FYTTD1: variants seen among roughly 807,000 people sequenced by gnomAD.
FYTTD1 encodes the protein forty-two-three domain containing 1.
In FYTTD1, 22 loss-of-function variants were observed where a neutral mutation model predicts 40.9. That is an observed-to-expected ratio of 0.54 (90% CI 0.38 to 0.77). FYTTD1 has a LOEUF of 0.77. Ranked by LOEUF, FYTTD1 falls within the 30% of genes least tolerant of loss-of-function variation. The pLI is 0.00. For synonymous variants in FYTTD1, 140 were observed against 137.9 expected, an observed-to-expected ratio of 1.01 and a Z score of -0.10; for missense variants, 351 against 392.2, an observed-to-expected ratio of 0.90 and a Z score of 0.89.
chr3:197,759,957 T>G (rs1298264416), intron 2 of FYTTD1, among the ~76,000 whole-genome samples: 1 of 151,692 alleles, frequency 6.6e-6, no homozygotes, highest in East Asian at 1.9e-4. Context: ...ATAGAGTTGT[T>G]CCTCAGTGGT....
chr3:197,757,856 A>G (rs1458006116), intron 2 of FYTTD1, among the ~76,000 whole-genome samples: 3 of 152,366 alleles, frequency 2.0e-5, no homozygotes, highest in East Asian at 1.9e-4. Flanking sequence ...AGTAAATTTC[A>G]TGACAGGTAT....
chr3:197,770,932 T>C (rs1729698252), intron 4 of FYTTD1, among the ~76,000 whole-genome samples: 1 of 152,240 alleles, frequency 6.6e-6, no homozygotes, highest in Non-Finnish European at 1.5e-5. Flanking sequence ...TCTGGATGGC[T>C]CTTACTAGAA....
At chr3:197,751,083 C>A (rs956622726) in intron 1 of FYTTD1, among the ~76,000 whole-genome samples, 3 of 152,156 alleles carry the variant, frequency 2.0e-5, no homozygotes, top group African/African-American at 7.2e-5. Context: ...TAGTGGATTC[C>A]GAGGCGTACC....
intron 2 of FYTTD1, among the ~76,000 whole-genome samples, 181 bp downstream of exon 2, chr3:197,756,738 C>G (rs1045035593): frequency 1.3e-5 from 2 of 152,172 alleles, no homozygotes; most frequent in East Asian, 3.8e-4. Flanking sequence ...CTTCAATAGA[C>G]GTAACACTGT....
chr3:197,774,770 G>A lies in FYTTD1; in HGVS notation c.656+560G>A, dbSNP rs899415328. Among the ~76,000 whole-genome samples the A allele has an allele frequency of 4.0e-5, 6 of 150,520 alleles. No homozygotes were observed. The East Asian group carries it at 5.9e-4, about 15-fold the overall frequency. On this transcript the variant is annotated intron_variant, in intron 6 of 8. Coordinates refer to ENST00000241502, the MANE Select transcript of FYTTD1 (RefSeq NM_032288.7). Reference sequence around the variant, plus strand: ...CACACCAGCCTGAGCAGCATAGCTCGATGGCCAGTGCACACCATCCTGAGC... The same window carrying A: ...CACACCAGCCTGAGCAGCATAGCTCAATGGCCAGTGCACACCATCCTGAGC...
chr3:197,749,926 G>A lies in FYTTD1; in HGVS notation c.-46G>A, dbSNP rs368846031. 4.0e-5 allele frequency: 53 copies of A among 1,328,548 alleles called. No individual in the cohort carries two copies. In the African/African-American group the frequency reaches 6.5e-4, roughly 16 times the overall value. 82.3% of individuals were successfully genotyped at this position (1,328,548 alleles called of 1,614,324 possible). ...CGCGAGTGGGAGGTGGCAGGCCTGC[G>A]ACTCCGGCCTTGTCCGCGCCCGCTC... On this transcript the variant is annotated 5_prime_UTR_variant, in exon 1 of 9. Transcript: ENST00000241502.
intron 2 of FYTTD1, among the ~76,000 whole-genome samples, chr3:197,759,168 G>C (rs370636047): frequency 8.0e-4 from 122 of 152,146 alleles, no homozygotes; most frequent in Middle Eastern, 6.8e-3. Flanking sequence ...CTCAGTGGTA[G>C]AATGTATAGA....
intron 7 of FYTTD1, among the ~76,000 whole-genome samples, chr3:197,777,646 C>T (rs1323895511): frequency 6.6e-6 from 1 of 152,162 alleles, no homozygotes; most frequent in Non-Finnish European, 1.5e-5. Context: ...ACCATACAGA[C>T]CTACGTTCTC....
chr3:197,764,737 A>T (rs998512886), intron 2 of FYTTD1, among the ~76,000 whole-genome samples: 2 of 150,542 alleles, frequency 1.3e-5, no homozygotes, highest in African/African-American at 4.9e-5. Context: ...AGAGGAGGCA[A>T]CACCTTGGAT....
In FYTTD1 at chr3:197,783,142, T is replaced by C. The variant is rs997049666; in HGVS notation, c.*1233T>C. 4 of 152,602 alleles carry C rather than the reference T, an allele frequency of 2.6e-5. No individual in the cohort carries two copies. Among genetic ancestry groups the C allele is most frequent in the Admixed American group, 1.3e-4 (2 of 15,272 alleles). 9.5% of individuals were successfully genotyped at this position (152,602 alleles called of 1,614,324 possible). A position where few individuals can be genotyped will look rare whatever the true frequency, so the allele number is the denominator to read the frequency against. ...GCCACCTCTGACGGAGTGGGAGAAG[T>C]TAGTCTGTGCTAAGATAGTACTGAG... On this transcript the variant is annotated 3_prime_UTR_variant, in exon 9 of 9. Coordinates refer to ENST00000241502, the MANE Select transcript of FYTTD1 (RefSeq NM_032288.7).
At chr3:197,763,469 C>A in intron 2 of FYTTD1, 1 of 410,552 alleles carries the variant, frequency 2.4e-6, no homozygotes, top group South Asian at 1.8e-5. Flanking sequence ...CCCACAGACA[C>A]AAAAACTTTG....
At position 197,755,611 on chromosome 3, in the gene FYTTD1, AATTTATTTATTT is replaced by A. The variant is rs10554264; in HGVS notation, c.104-778_104-767del. 4.3e-3 allele frequency: 873 copies of A among 201,158 alleles called. 6 individuals carry two copies. The highest frequency in any genetic ancestry group is 9.6e-3 in the African/African-American group (378 of 39,216). 12.5% of individuals were successfully genotyped at this position (201,158 alleles called of 1,614,324 possible). On this transcript the variant is annotated intron_variant, in intron 1 of 8. Coordinates refer to ENST00000241502, the MANE Select transcript of FYTTD1 (RefSeq NM_032288.7). The stretch of plus-strand genomic sequence containing the variant: ...CAGGCATGCACCGCCATACCCGGCT[AATTTATTTATTT>A]ATTTATTTATTTATTTATTTATTTA...
rs545993676 is a variant in FYTTD1 at position 197,755,785 on chromosome 3, G to T, written c.104-641G>T. 4.1e-5 allele frequency: 63 copies of T among 1,550,770 alleles called. No individual in the cohort carries two copies. In the Admixed American group the frequency reaches 4.3e-4, roughly 11 times the overall value. On this transcript the variant is annotated intron_variant, in intron 1 of 8. Coordinates refer to ENST00000241502, the MANE Select transcript of FYTTD1 (RefSeq NM_032288.7). The stretch of plus-strand genomic sequence containing the variant: ...TTATAGGTGTGAGTCACCATGCCTG[G>T]CCGGAAGGGGGTCATCTTTAAAAAA...
intron 3 of FYTTD1, among the ~76,000 whole-genome samples, chr3:197,769,044 C>T (rs1348213280): frequency 6.7e-6 from 1 of 150,052 alleles, no homozygotes; most frequent in African/African-American, 2.5e-5. Context: ...GTATTACAGG[C>T]GTGAGCCACC....
chr3:197,764,025 A>G (rs1051608222), intron 2 of FYTTD1, among the ~76,000 whole-genome samples: 1 of 152,164 alleles, frequency 6.6e-6, no homozygotes. Context: ...AGCTCCATGG[A>G]TGATTCTGAT....
chr3:197,776,891 C>A (rs773711801), intron 6 of FYTTD1, 36 bp from the exon 7 acceptor site: 12 of 1,381,416 alleles, frequency 8.7e-6, no homozygotes, highest in Non-Finnish European at 1.2e-5. Flanking sequence ...TATCAACTTA[C>A]ATTTAATGAA....
At chr3:197,777,221 G>GT (rs1409168685) in intron 7 of FYTTD1, among the ~76,000 whole-genome samples, 1 of 152,132 alleles carries the variant, frequency 6.6e-6, no homozygotes, top group Non-Finnish European at 1.5e-5. Context: ...TTGGAACAGT[G>GT]TTTTTTATGT....
rs367768885 is a variant in FYTTD1 at position 197,768,556 on chromosome 3, G to C, written c.353G>C (p.Ser118Thr). The change falls in exon 3 of 9, where the codon AGT becomes ACT. Residue 118 changes from serine (S) to threonine (T), a missense_variant. Coordinates refer to ENST00000241502, the MANE Select transcript of FYTTD1 (RefSeq NM_032288.7). The part of the protein sequence containing the change: ...RKTTGIRKGI[S>T]PMNRPPLSDK... ...ACGACTGGAATTCGAAAAGGAATTA[G>C]TCCTATGAATCGTCCACCTCTAAGT... 6.2e-7 allele frequency: 1 copy of C among 1,613,898 alleles called. No individual in the cohort carries two copies. The highest frequency in any genetic ancestry group is 1.1e-5 in the South Asian group (1 of 91,046).
intron 2 of FYTTD1, among the ~76,000 whole-genome samples, chr3:197,765,599 C>T (rs565271284): frequency 3.3e-5 from 5 of 152,154 alleles, no homozygotes; most frequent in Admixed American, 1.3e-4. Flanking sequence ...TGGTGGCTCA[C>T]GCCTGTAACC....
Sources: gnomAD v4.1 joint callset for allele counts (sites outside exome capture counted in the v4.1 genomes callset) on GRCh38, gnomAD v4.1.1 for gene constraint, MANE v1.5 for transcripts, NCBI Gene and HGNC (gene_info 2026-07-23, HGNC 2026-07-21) for gene names.